The following PTPRN2 variants were observed in gnomAD, a reference collection of about 807,000 sequenced individuals.
The protein encoded by PTPRN2 is receptor-type tyrosine-protein phosphatase N2.
A neutral mutation model predicts 118.8 loss-of-function variants in PTPRN2; 74 were observed. That is an observed-to-expected ratio of 0.62 (90% CI 0.52 to 0.76). PTPRN2 has a LOEUF of 0.76. PTPRN2 is among the 30% of genes least tolerant of loss of function. The probability of loss-of-function intolerance (pLI) is 0.00; values close to 1 mark genes in which losing one functional copy is unlikely to be tolerated. For synonymous variants in PTPRN2, 641 were observed against 608.0 expected (o/e 1.05, Z -0.80); for missense variants, 1,481 against 1,394.4 (o/e 1.06, Z -0.99).
intron 6 of PTPRN2, among the ~76,000 whole-genome samples, chr7:158,157,059 G>A (rs1585674264): frequency 6.6e-6 from 1 of 151,984 alleles, no homozygotes; most frequent in Admixed American, 6.5e-5. Flanking sequence ...ACAGCGGACA[G>A]CACCCCCGTT....
chr7:157,855,226 T>C lies in PTPRN2; in HGVS notation c.1788+43447A>G, dbSNP rs535922706. ...CGGATCGGGGAGGATGGCTGCACCATTGCAGGCGTGTGTGCGGGGCTTGCT... is the reference window on the plus strand; with the variant it reads ...CGGATCGGGGAGGATGGCTGCACCACTGCAGGCGTGTGTGCGGGGCTTGCT... On this transcript the variant is annotated intron_variant, in intron 12 of 22. Transcript: ENST00000389418. Among the ~76,000 whole-genome samples the C allele has an allele frequency of 1.8e-4, 27 of 151,716 alleles. 1 individual carries two copies. Among genetic ancestry groups the C allele is most frequent in the African/African-American group, 5.8e-4 (24 of 41,428 alleles).
rs112707020 is a variant in PTPRN2 at position 157,813,626 on chromosome 7, C to T, written c.1788+85047G>A. Among the ~76,000 whole-genome samples the T allele has an allele frequency of 6.0e-3, 919 of 152,066 alleles. 17 individuals are homozygous for T. Among genetic ancestry groups the T allele is most frequent in the African/African-American group, 0.022 (893 of 41,320 alleles). ...GATAAGCGCCTTTGCTGCCTCTGGG[C>T]GGGTCCGGGGGAGTCGCATTTCTTC... On this transcript the variant is annotated intron_variant, in intron 12 of 22. Coordinates refer to ENST00000389418, the MANE Select transcript of PTPRN2 (RefSeq NM_002847.5). The surrounding 1 kb of genome is among the most constrained non-coding windows in gnomAD (Gnocchi z 4.7).
intron 11 of PTPRN2, among the ~76,000 whole-genome samples, chr7:157,927,233 G>C (rs112597557): frequency 5.4e-5 from 4 of 73,626 alleles, no homozygotes; most frequent in Admixed American, 1.4e-4. Flanking sequence ...ACCCGTCTGA[G>C]AGCAGAGGCC....
In PTPRN2 at chr7:158,351,094, T is replaced by C. The variant is rs146027949; in HGVS notation, c.164-34162A>G. Among the ~76,000 whole-genome samples, 1,051 of 152,280 alleles carry C rather than the reference T, an allele frequency of 6.9e-3. 6 individuals carry two copies. The highest frequency in any genetic ancestry group is 0.011 in the Non-Finnish European group (759 of 68,022). On this transcript the variant is annotated intron_variant, in intron 2 of 22. Transcript: ENST00000389418. ...TGAAAAGCTGCTTTGGGGAATGCTGTGTTGATGTGTCAGCATCAAACTGTT... is the reference window on the plus strand; with the variant it reads ...TGAAAAGCTGCTTTGGGGAATGCTGCGTTGATGTGTCAGCATCAAACTGTT...
At chr7:158,470,927 A>G (rs1363483891) in intron 2 of PTPRN2, among the ~76,000 whole-genome samples, 1 of 151,932 alleles carries the variant, frequency 6.6e-6, no homozygotes, top group African/African-American at 2.4e-5. Flanking sequence ...TCTGCCTCCA[A>G]GGTTCAAGCG....
At chr7:158,279,234 G>GACAGAGTGCTGGTTGGTGCATTTACAA in intron 3 of PTPRN2, among the ~76,000 whole-genome samples, 1 of 152,320 alleles carries the variant, frequency 6.6e-6, no homozygotes, top group South Asian at 2.1e-4. Context: ...GGTCCGTTTT[G>GACAGAGTGCTGGTTGGTGCATTTACAA]ACAGAGTGCT....
chr7:158,074,779 G>A (rs1047506840), intron 11 of PTPRN2, among the ~76,000 whole-genome samples: 3 of 152,222 alleles, frequency 2.0e-5, no homozygotes, highest in African/African-American at 7.2e-5. Context: ...AGTCGGAGGG[G>A]ACAAGGCAGC....
rs186383339 is a variant in PTPRN2, at chr7:158,165,775, C to T, written c.910+1156G>A. Among the ~76,000 whole-genome samples the T allele has an allele frequency of 2.5e-3, 380 of 152,336 alleles. 1 individual carries two copies. The highest frequency in any genetic ancestry group is 4.2e-3 in the Non-Finnish European group (286 of 68,030). On this transcript the variant is annotated intron_variant, in intron 6 of 22. Transcript: ENST00000389418. The stretch of plus-strand genomic sequence containing the variant: ...AAAGGCTGTTGGGAAATAAATGGGT[C>T]GGAACCTTCTCCATATCACAAAGAG...
At position 158,093,832 on chromosome 7, in the gene PTPRN2, C is replaced by T. The variant is rs1814410990; in HGVS notation, c.1644-12455G>A. Among the ~76,000 whole-genome samples the T allele has an allele frequency of 6.6e-6, 1 of 152,132 alleles. No homozygotes were observed. The highest frequency in any genetic ancestry group is 1.5e-5 in the Non-Finnish European group (1 of 68,032). ...TTACAAAGGAGGAAGAAGAGAGAAC[C>T]AATTCTTATTTGAATGTATGAGGAA... On this transcript the variant is annotated intron_variant, in intron 10 of 22. Transcript: ENST00000389418. The surrounding 1 kb of genome is among the most constrained non-coding windows in gnomAD (Gnocchi z 4.4).
At chr7:158,258,990 G>A (rs60315914) in intron 3 of PTPRN2, among the ~76,000 whole-genome samples, 2,901 of 152,176 alleles carry the variant, frequency 0.019, 107 homozygotes, top group African/African-American at 0.066. Flanking sequence ...GTGCAGCGTC[G>A]GTACAGGGAG....
intron 12 of PTPRN2, among the ~76,000 whole-genome samples, chr7:157,846,513 C>T (rs964330381): frequency 2.0e-5 from 3 of 152,104 alleles, no homozygotes; most frequent in South Asian, 2.1e-4. Context: ...ATTTTGGGGC[C>T]GGAACGGAGG....
chr7:158,038,771 A>ATTG (rs1808253916), intron 11 of PTPRN2, among the ~76,000 whole-genome samples: 2 of 112,640 alleles, frequency 1.8e-5, no homozygotes, highest in Admixed American at 8.7e-5. Context: ...ATATAAGATT[A>ATTG]TACATAATAT....
intron 11 of PTPRN2, among the ~76,000 whole-genome samples, chr7:157,899,848 C>A (rs1797341748): frequency 6.6e-6 from 1 of 152,150 alleles, no homozygotes; most frequent in South Asian, 2.1e-4. Flanking sequence ...TGGGCTAAAG[C>A]AAAACTCCTT....
intron 11 of PTPRN2, among the ~76,000 whole-genome samples, chr7:158,054,281 C>T (rs1434323189): frequency 2.6e-5 from 4 of 152,162 alleles, no homozygotes; most frequent in Admixed American, 1.3e-4. Context: ...TGGGCCGATT[C>T]GACTGTGTGC....
At chr7:157,684,498 T>G (rs898578394) in intron 12 of PTPRN2, among the ~76,000 whole-genome samples, 3 of 151,704 alleles carry the variant, frequency 2.0e-5, no homozygotes, top group Admixed American at 6.6e-5. Flanking sequence ...GAACCCCGTT[T>G]GGTCCGGACC....
At chr7:157,876,950 G>A (rs1033754305) in intron 12 of PTPRN2, among the ~76,000 whole-genome samples, 5 of 152,220 alleles carry the variant, frequency 3.3e-5, no homozygotes, top group African/African-American at 7.2e-5. Flanking sequence ...GGACGGCCTC[G>A]CTAGCCTTTA....
Position 157,930,672 on chromosome 7 carries a change from G to C in PTPRN2, c.1724-31935C>G, listed in dbSNP as rs528183282. Among the ~76,000 whole-genome samples the C allele has an allele frequency of 3.1e-4, 47 of 152,290 alleles. No homozygotes were observed. In the South Asian group the frequency reaches 8.1e-3, roughly 26 times the overall value. On this transcript the variant is annotated intron_variant, in intron 11 of 22. Transcript: ENST00000389418. ...CTGCCAATACCATCCCTGTTCCTGA[G>C]AGCCTCCTTGGGCAAAGCTGGGTCT... is the stretch of plus-strand genomic sequence containing the variant.
chr7:157,633,039 A>T (rs2150673895), intron 14 of PTPRN2, among the ~76,000 whole-genome samples: 1 of 152,274 alleles, frequency 6.6e-6, no homozygotes. Flanking sequence ...CAGTTTGATT[A>T]AGCACGTCCT....
Position 157,898,656 on chromosome 7 carries a change from C to T in PTPRN2, c.1788+17G>A. 6.4e-7 allele frequency: 1 copy of T among 1,565,618 alleles called. No homozygotes were observed. The highest frequency in any genetic ancestry group is 8.8e-7 in the Non-Finnish European group (1 of 1,135,806). On this transcript the variant is annotated intron_variant, in intron 12 of 22. Transcript: ENST00000389418. ...ACTGCAGATCGCAGAGCAGACGGCA[C>T]CCCTTCTGTTACTCACCGACCCGAC...
Sources: allele counts gnomAD v4.1 joint callset (sites outside exome capture counted in the v4.1 genomes callset), GRCh38; gene constraint gnomAD v4.1.1; non-coding constraint Gnocchi (gnomAD v3.1); transcripts MANE v1.5; gene names NCBI Gene and HGNC (gene_info 2026-07-23, HGNC 2026-07-21).